Variants in ZNF618 observed in about 807,000 individuals in gnomAD.
ZNF618 encodes neural precursor cell expressed, developmentally down-regulated 10.
Under a neutral mutation model 103.0 loss-of-function variants are expected in ZNF618, and 34 were observed. The ratio of observed to expected loss-of-function variants is 0.33; its 90% CI spans 0.25 to 0.44. The LOEUF is 0.44. Ranked by LOEUF, ZNF618 falls within the 20% of genes least tolerant of loss-of-function variation. ZNF618 has a pLI of 1.00. For missense variants in ZNF618, 1,059 were observed against 1,295.4 expected (o/e 0.82, Z 2.80); for synonymous variants, 551 against 542.2 (o/e 1.02, Z -0.23).
intron 12 of ZNF618, chr9:114,035,375 G>A: frequency 2.0e-6 from 1 of 507,858 alleles, no homozygotes; most frequent in Non-Finnish European, 2.5e-6. Flanking sequence ...GGCAGCTGGT[G>A]GAGGCAGGCC....
chr9:114,049,899 A>G lies in ZNF618; in HGVS notation c.2597A>G (p.Asp866Gly), dbSNP rs764854937. 1.2e-6 allele frequency: 2 copies of G among 1,613,820 alleles called. No individual in the cohort carries two copies. Among genetic ancestry groups the G allele is most frequent in the Admixed American group, 1.7e-5 (1 of 60,010 alleles). ...AAVENPAAQEDDRLGKNEVYD... is the reference protein window; with the variant it reads ...AAVENPAAQEGDRLGKNEVYD... ...GTCGAGAACCCCGCAGCTCAGGAAG[A>G]TGATCGGCTAGGCAAAAATGAAGTG... The change falls in exon 15 of 15, where the codon GAT becomes GGT. Residue 866 changes from aspartate to glycine, a missense_variant. Around this residue, in one of 6 missense-constraint regions of ZNF618, gnomAD observed 156 missense variants for 197.1 expected, o/e 0.79. Transcript: ENST00000374126.
At chr9:114,011,723 G>A (rs893853667) in intron 9 of ZNF618, among the ~76,000 whole-genome samples, 2 of 152,244 alleles carry the variant, frequency 1.3e-5, no homozygotes, top group Non-Finnish European at 2.9e-5. Flanking sequence ...TGAGTGCTGG[G>A]AAGTACACCT....
At chr9:114,013,526 G>T (rs1588340709) in intron 9 of ZNF618, among the ~76,000 whole-genome samples, 1 of 152,210 alleles carries the variant, frequency 6.6e-6, no homozygotes, top group Non-Finnish European at 1.5e-5. Context: ...CGCCTCCTGG[G>T]TTCACACCAT....
intron 2 of ZNF618, among the ~76,000 whole-genome samples, chr9:113,971,848 G>T (rs921674267): frequency 2.0e-5 from 3 of 152,120 alleles, no homozygotes; most frequent in African/African-American, 4.8e-5. Flanking sequence ...TGCTAGCCTA[G>T]GCTCTTCATC....
intron 2 of ZNF618, among the ~76,000 whole-genome samples, chr9:113,970,793 AT>A (rs1837887510): frequency 6.7e-6 from 1 of 149,872 alleles, no homozygotes; most frequent in Non-Finnish European, 1.5e-5. Flanking sequence ...CTCTTTAATT[AT>A]TTCATTTTCA....
intron 2 of ZNF618, among the ~76,000 whole-genome samples, chr9:113,981,575 G>A (rs142892847): frequency 0.014 from 2,070 of 152,270 alleles, 45 homozygotes; most frequent in African/African-American, 0.048. Flanking sequence ...TTGGCAGAAT[G>A]ATGTGGAAAC....
chr9:113,877,651 G>A (rs1316569408), intron 1 of ZNF618, among the ~76,000 whole-genome samples: 1 of 151,244 alleles, frequency 6.6e-6, no homozygotes, highest in Admixed American at 6.6e-5. Context: ...GTTGGGTTTT[G>A]TGTGTGTGTG....
chr9:113,992,747 A>G (rs527873694), intron 3 of ZNF618, among the ~76,000 whole-genome samples: 1 of 152,346 alleles, frequency 6.6e-6, no homozygotes, highest in South Asian at 2.1e-4. Context: ...TCCCAGTGAC[A>G]CAAACATCAT....
intron 1 of ZNF618, among the ~76,000 whole-genome samples, chr9:113,954,433 G>C (rs1836059383): frequency 6.6e-6 from 1 of 152,172 alleles, no homozygotes; most frequent in African/African-American, 2.4e-5. Context: ...CTACATGTTG[G>C]GGGACTGGGC....
Position 114,023,217 on chromosome 9 carries a change from G to A in ZNF618, c.845-5516G>A, listed in dbSNP as rs112281643. 8.0e-4 allele frequency among the ~76,000 whole-genome samples: 121 copies of A among 151,072 alleles called. No individual in the cohort carries two copies. The Middle Eastern group carries it at 0.024, about 30-fold the overall frequency. On this transcript the variant is annotated intron_variant, in intron 10 of 14. Coordinates refer to ENST00000374126, the MANE Select transcript of ZNF618 (RefSeq NM_001318042.2). ...TCTTGTTCATCTTTTTCTTATTTTCGTGCCTTCTTTAGTATTAATCAAGTA... is the reference window on the plus strand; with the variant it reads ...TCTTGTTCATCTTTTTCTTATTTTCATGCCTTCTTTAGTATTAATCAAGTA...
At chr9:114,023,587 G>A (rs1428112237) in intron 10 of ZNF618, among the ~76,000 whole-genome samples, 5 of 152,024 alleles carry the variant, frequency 3.3e-5, no homozygotes, top group Non-Finnish European at 5.9e-5. Flanking sequence ...GTATACATCT[G>A]AATTCCATCA....
intron 1 of ZNF618, among the ~76,000 whole-genome samples, chr9:113,929,779 T>A (rs10817535): frequency 6.6e-6 from 1 of 151,954 alleles, no homozygotes; most frequent in East Asian, 1.9e-4. Flanking sequence ...TTTAGTTCAC[T>A]TGTTACCCGA....
intron 1 of ZNF618, among the ~76,000 whole-genome samples, chr9:113,918,853 G>A (rs915138348): frequency 6.6e-6 from 1 of 152,156 alleles, no homozygotes; most frequent in African/African-American, 2.4e-5. Flanking sequence ...GTTTTTGTCT[G>A]TATCACTCAC....
At position 114,028,827 on chromosome 9, in the gene ZNF618, G is replaced by A. The variant is rs146510309; in HGVS notation, c.939G>A (p.Ala313=). The stretch of plus-strand genomic sequence containing the variant: ...CCCCATCTCCACGCTTCGTGGCAGC[G>A]AAGACCCAGACGAACCAGTCGGGGA... The part of the protein sequence containing the change: ...EVSPSPRFVA[A]KTQTNQSGKK... The change falls in exon 11 of 15, where the codon GCG becomes GCA. Residue 313 remains alanine (A), a synonymous_variant. Transcript: ENST00000374126. 3.5e-4 allele frequency: 545 copies of A among 1,550,614 alleles called. 2 individuals carry two copies. In the African/African-American group the frequency reaches 6.4e-3, roughly 18 times the overall value.
intron 1 of ZNF618, among the ~76,000 whole-genome samples, chr9:113,968,226 A>G (rs1160371878): frequency 2.6e-5 from 4 of 152,154 alleles, no homozygotes; most frequent in African/African-American, 7.2e-5. Context: ...AGAAATATCA[A>G]TGTGTTTGAT....
intron 1 of ZNF618, among the ~76,000 whole-genome samples, chr9:113,963,847 G>A (rs1484800251): frequency 6.6e-6 from 1 of 152,188 alleles, no homozygotes; most frequent in Non-Finnish European, 1.5e-5. Flanking sequence ...GCCTTTGGAG[G>A]AGGGGCAGCA....
intron 2 of ZNF618, among the ~76,000 whole-genome samples, chr9:113,971,901 C>A (rs1838006812): frequency 6.6e-6 from 1 of 152,072 alleles, no homozygotes; most frequent in Admixed American, 6.6e-5. Context: ...TACCATGGCG[C>A]CGGAATATGC....
intron 9 of ZNF618, among the ~76,000 whole-genome samples, chr9:114,009,664 A>G (rs1432555494): frequency 6.6e-6 from 1 of 152,070 alleles, no homozygotes; most frequent in Non-Finnish European, 1.5e-5. Context: ...CTTCCTTCCA[A>G]TAAGGATCTA....
intron 1 of ZNF618, among the ~76,000 whole-genome samples, chr9:113,918,729 A>AC (rs1832355112): frequency 6.6e-6 from 1 of 152,114 alleles, no homozygotes; most frequent in African/African-American, 2.4e-5. Context: ...TGTCCTTTGA[A>AC]CAAGTCCCTG....
Sources: allele counts gnomAD v4.1 joint callset (sites outside exome capture counted in the v4.1 genomes callset), GRCh38; gene constraint gnomAD v4.1.1; regional missense constraint gnomAD v4.1.1; transcripts MANE v1.5; gene names NCBI Gene and HGNC (gene_info 2026-07-23, HGNC 2026-07-21).